LSAMP: variants seen among roughly 807,000 people sequenced by gnomAD.
LSAMP encodes limbic system-associated membrane protein.
A neutral mutation model predicts 38.6 loss-of-function variants in LSAMP; 7 were observed. The observed-to-expected ratio is 0.18, with a 90% CI of 0.10 to 0.34. The LOEUF is 0.34. Among genes scored for constraint, LSAMP ranks in the 10% least tolerant of loss-of-function variants. LSAMP has a pLI of 1.00. For synonymous variants in LSAMP, 154 were observed against 166.8 expected (o/e 0.92, Z 0.59); for missense variants, 313 against 420.0 (o/e 0.75, Z 2.23).
intron 3 of LSAMP, among the ~76,000 whole-genome samples, chr3:115,878,625 C>G (rs67740815): frequency 0.15 from 22,666 of 151,430 alleles, 2,095 homozygotes; most frequent in African/African-American, 0.26. Flanking sequence ...CCATGCCAGG[C>G]TAATATTTAT....
intron 6 of LSAMP, chr3:115,816,760 G>C: frequency 2.1e-6 from 1 of 474,584 alleles, no homozygotes; most frequent in Non-Finnish European, 3.6e-6. Context: ...GAGAAAAGGA[G>C]GAAAGAACAT....
intron 6 of LSAMP, among the ~76,000 whole-genome samples, chr3:115,810,787 T>C (rs1297705788): frequency 1.3e-5 from 2 of 152,146 alleles, no homozygotes; most frequent in Non-Finnish European, 2.9e-5. Flanking sequence ...TTCCAAGCAT[T>C]GGTGAGGGTC....
At chr3:116,081,235 G>T (rs990674155) in intron 2 of LSAMP, among the ~76,000 whole-genome samples, 3 of 152,058 alleles carry the variant, frequency 2.0e-5, no homozygotes, top group Non-Finnish European at 2.9e-5. Flanking sequence ...AGGCTGAGGC[G>T]GGTGGATCAC....
intron 1 of LSAMP, among the ~76,000 whole-genome samples, chr3:116,147,292 C>A (rs2107522843): frequency 6.6e-6 from 1 of 151,950 alleles, no homozygotes; most frequent in East Asian, 2.0e-4. Context: ...TATTCCCATA[C>A]AATCCATTGA....
intron 3 of LSAMP, among the ~76,000 whole-genome samples, chr3:116,003,706 C>T (rs1940067097): frequency 4.6e-5 from 7 of 152,118 alleles, no homozygotes; most frequent in Admixed American, 4.6e-4. Context: ...ATTTGAGACA[C>T]ACAGATACAA....
chr3:115,908,739 G>A (rs1298011895), intron 3 of LSAMP, among the ~76,000 whole-genome samples: 2 of 152,166 alleles, frequency 1.3e-5, no homozygotes, highest in Non-Finnish European at 2.9e-5. Context: ...TTAGTTTTAA[G>A]TCATCTTAGA....
intron 1 of LSAMP, among the ~76,000 whole-genome samples, chr3:116,374,052 C>T (rs961856879): frequency 2.0e-5 from 3 of 151,866 alleles, no homozygotes; most frequent in Non-Finnish European, 2.9e-5. Flanking sequence ...ATGTACAGTT[C>T]AATGTTCCAT....
chr3:116,236,441 G>T (rs910196011), intron 1 of LSAMP, among the ~76,000 whole-genome samples: 1 of 152,004 alleles, frequency 6.6e-6, no homozygotes, highest in Non-Finnish European at 1.5e-5. Flanking sequence ...AAGAAACAAT[G>T]AAGAAAATTA....
intron 3 of LSAMP, among the ~76,000 whole-genome samples, chr3:115,893,446 C>T (rs1010320312): frequency 2.6e-5 from 4 of 151,986 alleles, no homozygotes; most frequent in Admixed American, 6.6e-5. Flanking sequence ...TGTTGTAGCT[C>T]ATATACAGAA....
chr3:116,215,768 A>G (rs555094259), intron 1 of LSAMP, among the ~76,000 whole-genome samples: 25 of 152,316 alleles, frequency 1.6e-4, no homozygotes, highest in African/African-American at 6.0e-4. Flanking sequence ...ACAATGGCAC[A>G]ATAATCAGGA....
intron 1 of LSAMP, among the ~76,000 whole-genome samples, chr3:116,301,783 A>AAGAT (rs1282277161): frequency 6.6e-6 from 1 of 151,564 alleles, no homozygotes; most frequent in African/African-American, 2.4e-5. Context: ...AAAACTTATA[A>AAGAT]AGATAATAGT....
At chr3:115,996,917 C>G (rs1449555069) in intron 3 of LSAMP, among the ~76,000 whole-genome samples, 1 of 152,032 alleles carries the variant, frequency 6.6e-6, no homozygotes, top group Non-Finnish European at 1.5e-5. Flanking sequence ...GAGATAAAAC[C>G]AAAGACAGTA....
chr3:116,403,109 TGTA>T (rs2048858814), intron 1 of LSAMP, among the ~76,000 whole-genome samples: 1 of 152,210 alleles, frequency 6.6e-6, no homozygotes, highest in Non-Finnish European at 1.5e-5. Flanking sequence ...TTTCCGAACT[TGTA>T]GTCATAAAAT....
intron 1 of LSAMP, among the ~76,000 whole-genome samples, chr3:116,191,732 T>A (rs1344418110): frequency 6.6e-6 from 1 of 152,000 alleles, no homozygotes; most frequent in African/African-American, 2.4e-5. Context: ...ATTCCTGCAA[T>A]TAGCCAATGA....
At chr3:116,231,470 G>A (rs577087754) in intron 1 of LSAMP, among the ~76,000 whole-genome samples, 1 of 152,312 alleles carries the variant, frequency 6.6e-6, no homozygotes, top group Admixed American at 6.5e-5. Flanking sequence ...TTATAAAGGA[G>A]CAGCAATTAG....
At chr3:116,225,453 A>G (rs955030572) in intron 1 of LSAMP, among the ~76,000 whole-genome samples, 2 of 152,270 alleles carry the variant, frequency 1.3e-5, no homozygotes, top group Non-Finnish European at 2.9e-5. Context: ...CAGCCTCCCA[A>G]ACTATTGTTT....
intron 1 of LSAMP, among the ~76,000 whole-genome samples, chr3:116,184,177 C>T (rs1254995364): frequency 6.6e-6 from 1 of 151,818 alleles, no homozygotes; most frequent in African/African-American, 2.4e-5. Context: ...CATCAGCTTC[C>T]TTATCATCAT....
In LSAMP at chr3:115,810,255, C is replaced by G. The variant is rs1279454391; in HGVS notation, c.*62G>C. ...TCTCTCTCTCTCTCTGTCTCTCTCT[C>G]TCTGTATTCTGTGTGACGCATTTTT... is the stretch of plus-strand genomic sequence containing the variant. On this transcript the variant is annotated 3_prime_UTR_variant, in exon 7 of 7. Transcript: ENST00000490035. 1.7e-6 allele frequency: 2 copies of G among 1,161,514 alleles called. No individual in the cohort carries two copies. Among genetic ancestry groups the G allele is most frequent in the African/African-American group, 1.5e-5 (1 of 64,838 alleles). 72.0% of individuals were successfully genotyped at this position (1,161,514 alleles called of 1,614,324 possible). A position where few individuals can be genotyped will look rare whatever the true frequency, so the allele number is the denominator to read the frequency against.
intron 1 of LSAMP, among the ~76,000 whole-genome samples, chr3:116,168,232 T>G (rs1161795581): frequency 6.6e-6 from 1 of 152,220 alleles, no homozygotes; most frequent in Non-Finnish European, 1.5e-5. Flanking sequence ...TTATTATTTT[T>G]TTTTTACTGA....
Sources: gnomAD v4.1 joint callset for allele counts (sites outside exome capture counted in the v4.1 genomes callset) on GRCh38, gnomAD v4.1.1 for gene constraint, MANE v1.5 for transcripts, NCBI Gene and HGNC (gene_info 2026-07-23, HGNC 2026-07-21) for gene names.